The following CFAP53 variants were observed in gnomAD, a reference collection of about 807,000 sequenced individuals.
The protein encoded by CFAP53 is cilia- and flagella-associated protein 53.
Under a neutral mutation model 59.7 loss-of-function variants are expected in CFAP53, and 62 were observed. That is an observed-to-expected ratio of 1.04 (90% CI 0.85 to 1.28). CFAP53 has a LOEUF of 1.28. Ranked by LOEUF, CFAP53 falls within the 50% of genes most tolerant of loss-of-function variation. The pLI is 0.00. For missense variants in CFAP53, 629 were observed against 615.6 expected (o/e 1.02, Z -0.23); for synonymous variants, 218 against 205.7 (o/e 1.06, Z -0.51).
chr18:50,249,250 G>C (rs2033775473), intron 5 of CFAP53, among the ~76,000 whole-genome samples: 1 of 149,402 alleles, frequency 6.7e-6, no homozygotes, highest in Non-Finnish European at 1.5e-5. Flanking sequence ...GGGTGCAGTG[G>C]CTCATGCCTG....
chr18:50,242,877 A>T, intron 6 of CFAP53, 23 bp downstream of exon 6: 1 of 1,579,994 alleles, frequency 6.3e-7, no homozygotes, highest in African/African-American at 1.3e-5. Context: ...AAGCTATAAT[A>T]TAACTGTAAT....
intron 6 of CFAP53, among the ~76,000 whole-genome samples, chr18:50,241,517 A>G (rs2033689689): frequency 6.6e-6 from 1 of 152,196 alleles, no homozygotes; most frequent in Admixed American, 6.5e-5. Context: ...CCAGCCCCCA[A>G]TATTTCAACG....
chr18:50,259,931 A>T (rs76908667), intron 3 of CFAP53, among the ~76,000 whole-genome samples: 2,642 of 152,370 alleles, frequency 0.017, 32 homozygotes, highest in Non-Finnish European at 0.028. Flanking sequence ...TAGTAACATT[A>T]TAAATATATA....
intron 6 of CFAP53, 104 bp downstream of exon 6, chr18:50,242,796 C>T: frequency 1.6e-5 from 15 of 940,108 alleles, no homozygotes; most frequent in Non-Finnish European, 2.5e-5. Flanking sequence ...TTTTGCATCC[C>T]TCATGGTGTT....
intron 5 of CFAP53, among the ~76,000 whole-genome samples, 183 bp from the exon 6 acceptor site, chr18:50,243,299 G>A (rs1361518061): frequency 1.3e-5 from 2 of 152,156 alleles, no homozygotes; most frequent in Non-Finnish European, 2.9e-5. Context: ...AAATGGGTAG[G>A]GATATAGAAG....
At chr18:50,262,792 T>C (rs2033907745) in intron 1 of CFAP53, among the ~76,000 whole-genome samples, 1 of 152,108 alleles carries the variant, frequency 6.6e-6, no homozygotes, top group Admixed American at 6.5e-5. Context: ...CGAGTTGTGA[T>C]AATGAAAGAT....
intron 7 of CFAP53, among the ~76,000 whole-genome samples, chr18:50,229,615 T>C (rs1369686471): frequency 1.3e-5 from 2 of 152,204 alleles, no homozygotes; most frequent in African/African-American, 2.4e-5. Flanking sequence ...GGTTGCCAGA[T>C]TATGTAGTAG....
intron 3 of CFAP53, 41 bp downstream of exon 3, chr18:50,261,023 C>G: frequency 6.4e-7 from 1 of 1,569,730 alleles, no homozygotes; most frequent in East Asian, 2.3e-5. Flanking sequence ...TTTTAATGTA[C>G]CAACTTTGGA....
In CFAP53 at chr18:50,227,585, G is replaced by C. The variant is rs1365030397; in HGVS notation, c.1341C>G (p.Tyr447Ter). The C allele has an allele frequency of 6.2e-7, 1 of 1,614,052 alleles. No individual in the cohort carries two copies. The highest frequency in any genetic ancestry group is 1.1e-5 in the South Asian group (1 of 91,078). ...CGATTTGCATCTGAAGTTGCTTCCTGTACTCCTGGGCTAAACGTTGGCGTC... is the reference window on the plus strand; with the variant it reads ...CGATTTGCATCTGAAGTTGCTTCCTCTACTCCTGGGCTAAACGTTGGCGTC... ...FARRQRLAQE[Y>*]RKQLQMQIAY... The change falls in exon 8 of 8, where the codon TAC becomes TAG. Residue 447 changes from tyrosine to a stop codon, truncating the protein, a stop_gained. Transcript: ENST00000398545. LOFTEE classifies it low-confidence loss of function (END_TRUNC).
At chr18:50,230,039 T>A (rs1365779666) in intron 7 of CFAP53, among the ~76,000 whole-genome samples, 2 of 152,196 alleles carry the variant, frequency 1.3e-5, no homozygotes, top group African/African-American at 2.4e-5. Flanking sequence ...ATTACAGGCA[T>A]GACCCACCAT....
At chr18:50,234,911 G>A (rs552014714) in intron 7 of CFAP53, among the ~76,000 whole-genome samples, 2 of 152,228 alleles carry the variant, frequency 1.3e-5, no homozygotes, top group Non-Finnish European at 2.9e-5. Context: ...CCATGCTTGA[G>A]TGCAGCATTT....
At chr18:50,231,721 T>C (rs1242170503) in intron 7 of CFAP53, among the ~76,000 whole-genome samples, 2 of 152,212 alleles carry the variant, frequency 1.3e-5, no homozygotes, top group Admixed American at 1.3e-4. Flanking sequence ...CTTCCTCCTA[T>C]ACTCTCTGGT....
At chr18:50,253,022 T>TC (rs1275150166) in intron 3 of CFAP53, among the ~76,000 whole-genome samples, 2 of 151,438 alleles carry the variant, frequency 1.3e-5, no homozygotes, top group African/African-American at 4.8e-5. Context: ...CTGTTTCTTT[T>TC]TTTTTTTTTT....
chr18:50,227,443 G>C lies in CFAP53; in HGVS notation c.1483C>G (p.Gln495Glu). 2.5e-6 allele frequency: 4 copies of C among 1,614,212 alleles called. No homozygotes were observed. The highest frequency in any genetic ancestry group is 3.4e-6 in the Non-Finnish European group (4 of 1,180,032). The change falls in exon 8 of 8, where the codon CAA becomes GAA. Residue 495 changes from glutamine to glutamate, a missense_variant. Physicochemically the swap from Gln to Glu is conservative, Grantham distance 29. Coordinates refer to ENST00000398545, the MANE Select transcript of CFAP53 (RefSeq NM_145020.5). ...GGATGAATGTTTTGAGGCAGCACTT[G>C]ATGGGTGGACAGGACCTCCTGGACC... ...DKVQEVLSTH[Q>E]VLPQNIHPMR...
intron 7 of CFAP53, among the ~76,000 whole-genome samples, chr18:50,229,012 C>T (rs1381464767): frequency 6.6e-6 from 1 of 151,816 alleles, no homozygotes; most frequent in Admixed American, 6.6e-5. Flanking sequence ...TTTCTGAGCC[C>T]AGAAGGTTGA....
chr18:50,242,578 G>A (rs1398486761), intron 6 of CFAP53, among the ~76,000 whole-genome samples: 11 of 152,154 alleles, frequency 7.2e-5, no homozygotes, highest in Admixed American at 7.2e-4. Context: ...AAGAAAAGAG[G>A]GACAGATACA....
chr18:50,231,437 C>A (rs1219681347), intron 7 of CFAP53, among the ~76,000 whole-genome samples: 1 of 152,214 alleles, frequency 6.6e-6, no homozygotes, highest in African/African-American at 2.4e-5. Context: ...CTTTCCCTTT[C>A]CCAACTTAGG....
At chr18:50,242,522 A>G (rs1273572040) in intron 6 of CFAP53, among the ~76,000 whole-genome samples, 2 of 152,214 alleles carry the variant, frequency 1.3e-5, no homozygotes, top group Non-Finnish European at 2.9e-5. Context: ...CGGTCCCTCC[A>G]TTCAGGGTCC....
At chr18:50,255,830 GA>G (rs2144428710) in intron 3 of CFAP53, among the ~76,000 whole-genome samples, 1 of 149,772 alleles carries the variant, frequency 6.7e-6, no homozygotes, top group Non-Finnish European at 1.5e-5. Context: ...CTGTCACCAG[GA>G]GAAGAAATAA....
Sources: allele counts gnomAD v4.1 joint callset (sites outside exome capture counted in the v4.1 genomes callset), GRCh38; gene constraint gnomAD v4.1.1; transcripts MANE v1.5; gene names NCBI Gene and HGNC (gene_info 2026-07-23, HGNC 2026-07-21).